The following CDH22 variants were observed in gnomAD, a reference collection of about 807,000 sequenced individuals.
CDH22 encodes the protein cadherin-22.
Under a neutral mutation model 58.4 loss-of-function variants are expected in CDH22, and 30 were observed. The observed-to-expected ratio is 0.51, with a 90% CI of 0.38 to 0.70. The LOEUF (loss-of-function observed/expected upper bound fraction) is 0.70, where lower values mean the gene tolerates loss of function less well. CDH22 is among the 30% of genes least tolerant of loss of function. The pLI, the probability that CDH22 is intolerant of heterozygous loss-of-function variation, is 0.00. For synonymous variants in CDH22, 513 were observed against 558.2 expected, an observed-to-expected ratio of 0.92 and a Z score of 1.14; for missense variants, 1,014 against 1,233.9, an observed-to-expected ratio of 0.82 and a Z score of 2.67.
intron 4 of CDH22, among the ~76,000 whole-genome samples, chr20:46,222,761 G>T (rs1445877559): frequency 6.6e-6 from 1 of 152,230 alleles, no homozygotes; most frequent in Non-Finnish European, 1.5e-5. Context: ...CCTGTGGGGG[G>T]CCTGCTGGCA....
chr20:46,195,830 C>A (rs1273212904), intron 8 of CDH22, among the ~76,000 whole-genome samples: 1 of 152,180 alleles, frequency 6.6e-6, no homozygotes, highest in Non-Finnish European at 1.5e-5. Context: ...CTAAGTGGCT[C>A]GGGAGTCTTT....
At chr20:46,181,389 G>A (rs1021070278) in intron 10 of CDH22, among the ~76,000 whole-genome samples, 4 of 152,102 alleles carry the variant, frequency 2.6e-5, no homozygotes, top group Non-Finnish European at 4.4e-5. Context: ...AGGGAACAGC[G>A]TATGCAAAGG....
At chr20:46,245,042 T>C (rs2086318361) in intron 2 of CDH22, among the ~76,000 whole-genome samples, 1 of 152,194 alleles carries the variant, frequency 6.6e-6, no homozygotes, top group Admixed American at 6.5e-5. Flanking sequence ...CTTCACCACA[T>C]ATATTCTGAA....
In CDH22 at chr20:46,251,220, C is replaced by T; in HGVS notation, c.75G>A (p.Leu25=). 1 of 1,466,584 alleles carries T rather than the reference C, an allele frequency of 6.8e-7. No individual in the cohort carries two copies. The highest frequency in any genetic ancestry group is 9.0e-7 in the Non-Finnish European group (1 of 1,111,152). The allele number at this position is 1,466,584 out of a possible 1,614,324, so 90.8% of individuals were successfully genotyped here. A position where few individuals can be genotyped will look rare whatever the true frequency, so the allele number is the denominator to read the frequency against. ...CCAGCAGCGTCGGCGGCGGCGGCAGCAGCAGCAGCAGCAGTAGCGCGGGGG... is the reference window on the plus strand; with the variant it reads ...CCAGCAGCGTCGGCGGCGGCGGCAGTAGCAGCAGCAGCAGTAGCGCGGGGG... The part of the protein sequence containing the change: ...ALSPALLLLL[L]LPPPPTLLGR... The change falls in exon 2 of 12, where the codon CTG becomes CTA. Residue 25 remains leucine, a synonymous_variant. Coordinates refer to ENST00000537909, the MANE Select transcript of CDH22 (RefSeq NM_021248.3). This position sits in a 1 kb window ranked among gnomAD's most constrained non-coding sequence, Gnocchi z 6.7.
chr20:46,195,511 AC>A (rs1247519016), intron 8 of CDH22, among the ~76,000 whole-genome samples: 46 of 151,566 alleles, frequency 3.0e-4, no homozygotes, highest in African/African-American at 1.1e-3. Context: ...TCTAGCTATT[AC>A]CCCTCCAGAT....
chr20:46,306,524 A>G (rs1215333733), intron 1 of CDH22, among the ~76,000 whole-genome samples: 1 of 152,220 alleles, frequency 6.6e-6, no homozygotes, highest in Non-Finnish European at 1.5e-5. Context: ...GCAGTGGTGG[A>G]CCGGGAAGGG....
intron 2 of CDH22, among the ~76,000 whole-genome samples, chr20:46,248,661 A>G (rs991646419): frequency 6.6e-6 from 1 of 152,104 alleles, no homozygotes; most frequent in South Asian, 2.1e-4. Flanking sequence ...CATCTCTACT[A>G]AAAATACAAA....
At chr20:46,215,005 T>A in intron 5 of CDH22, among the ~76,000 whole-genome samples, 1 of 152,232 alleles carries the variant, frequency 6.6e-6, no homozygotes, top group Non-Finnish European at 1.5e-5. Context: ...CAGTAGACAC[T>A]CACCAGATTA....
At chr20:46,264,341 G>A (rs2086448076) in intron 1 of CDH22, among the ~76,000 whole-genome samples, 1 of 152,214 alleles carries the variant, frequency 6.6e-6, no homozygotes, top group African/African-American at 2.4e-5. Flanking sequence ...GGAAGAAAGA[G>A]AGGCCAGTTG....
At chr20:46,248,947 A>C (rs2086350640) in intron 2 of CDH22, among the ~76,000 whole-genome samples, 1 of 152,234 alleles carries the variant, frequency 6.6e-6, no homozygotes, top group African/African-American at 2.4e-5. Flanking sequence ...TACAAAAGGG[A>C]ATGATGATTT....
At chr20:46,230,681 G>A (rs149146753) in intron 3 of CDH22, among the ~76,000 whole-genome samples, 1 of 152,092 alleles carries the variant, frequency 6.6e-6, no homozygotes, top group Non-Finnish European at 1.5e-5. Context: ...TTACAAAACA[G>A]GGCCTTCAGA....
chr20:46,252,350 C>G (rs2086382399), intron 1 of CDH22, among the ~76,000 whole-genome samples: 1 of 152,196 alleles, frequency 6.6e-6, no homozygotes, highest in Non-Finnish European at 1.5e-5. Context: ...GAGCTTGCCT[C>G]TGGTGCCTCC....
At chr20:46,282,766 G>A (rs1416561861) in intron 1 of CDH22, among the ~76,000 whole-genome samples, 1 of 152,088 alleles carries the variant, frequency 6.6e-6, no homozygotes, top group Non-Finnish European at 1.5e-5. Flanking sequence ...AGGGAAGGGT[G>A]GGTGGGTGAT....
chr20:46,263,072 T>C (rs1475517290), intron 1 of CDH22, among the ~76,000 whole-genome samples: 1 of 152,222 alleles, frequency 6.6e-6, no homozygotes, highest in Non-Finnish European at 1.5e-5. Context: ...AGCTCTTCTT[T>C]GTCCTGGCCT....
intron 4 of CDH22, among the ~76,000 whole-genome samples, chr20:46,217,501 G>A (rs2086094277): frequency 6.6e-6 from 1 of 151,864 alleles, no homozygotes; most frequent in Non-Finnish European, 1.5e-5. Flanking sequence ...CACTCCTATA[G>A]ATACACTCAC....
rs2086082831 is a variant in CDH22, at chr20:46,216,039, TCCC to T, written c.838+784_838+786del. ...GATTCCCTTATCTCTCGGGGGTCAG[TCCC>T]CTGTGGCGGGGCCTAATGTGAGAGC... On this transcript the variant is annotated intron_variant, in intron 5 of 11. Coordinates refer to ENST00000537909, the MANE Select transcript of CDH22 (RefSeq NM_021248.3). This position sits in a 1 kb window ranked among gnomAD's most constrained non-coding sequence, Gnocchi z 5.3. 6.6e-6 allele frequency among the ~76,000 whole-genome samples: 1 copy of T among 151,454 alleles called. No individual in the cohort carries two copies. The highest frequency in any genetic ancestry group is 2.0e-4 in the East Asian group (1 of 5,116).
At chr20:46,191,966 C>G (rs2085864445) in intron 8 of CDH22, among the ~76,000 whole-genome samples, 1 of 152,066 alleles carries the variant, frequency 6.6e-6, no homozygotes, top group African/African-American at 2.4e-5. Context: ...CAAGTTTGCT[C>G]CTTTACCTCC....
At chr20:46,214,228 G>T (rs376321250) in intron 5 of CDH22, among the ~76,000 whole-genome samples, 1 of 152,272 alleles carries the variant, frequency 6.6e-6, no homozygotes. Context: ...CAGAAGGAAT[G>T]AGATCAGATG....
In CDH22 at chr20:46,243,388, G is replaced by A. The variant is rs570750645; in HGVS notation, c.256-2131C>T. Among the ~76,000 whole-genome samples, 7 of 152,202 alleles carry A rather than the reference G, an allele frequency of 4.6e-5. 1 individual carries two copies. In the East Asian group the frequency reaches 5.8e-4, roughly 13 times the overall value. The stretch of plus-strand genomic sequence containing the variant: ...TCTGCTGATTCTCAGCAGAAATTGC[G>A]GGGACTAAATGGAGGCGTCTGGTGG... On this transcript the variant is annotated intron_variant, in intron 2 of 11. Transcript: ENST00000537909.
Sources: gnomAD v4.1 joint callset for allele counts (sites outside exome capture counted in the v4.1 genomes callset) on GRCh38, gnomAD v4.1.1 for gene constraint, Gnocchi (gnomAD v3.1) non-coding constraint, MANE v1.5 for transcripts, NCBI Gene and HGNC (gene_info 2026-07-23, HGNC 2026-07-21) for gene names.